The following NRROS variants were observed in gnomAD, a reference collection of about 807,000 sequenced individuals.
The protein encoded by NRROS is negative regulator of reactive oxygen species.
A neutral mutation model predicts 12.0 loss-of-function variants in NRROS; 6 were observed. That is an observed-to-expected ratio of 0.50 (90% confidence interval 0.27 to 0.98). The LOEUF (loss-of-function observed/expected upper bound fraction) is 0.98, where lower values mean the gene tolerates loss of function less well. NRROS is among the 50% of genes least tolerant of loss of function. The pLI is 0.11. For missense variants in NRROS, 857 were observed against 888.2 expected (o/e 0.96, Z 0.45); for synonymous variants, 462 against 410.2 (o/e 1.13, Z -1.53).
chr3:196,653,933 G>A (rs995455829), intron 1 of NRROS, among the ~76,000 whole-genome samples: 6 of 152,034 alleles, frequency 3.9e-5, no homozygotes, highest in Admixed American at 2.0e-4. Flanking sequence ...TTTTCCCTCC[G>A]TGTTTCCCCC....
chr3:196,646,510 C>T (rs1737314651), intron 1 of NRROS, among the ~76,000 whole-genome samples: 1 of 152,200 alleles, frequency 6.6e-6, no homozygotes, highest in Non-Finnish European at 1.5e-5. Context: ...CAGATGGCAG[C>T]CTGTGGGCAT....
At chr3:196,646,279 G>A (rs1577628974) in intron 1 of NRROS, among the ~76,000 whole-genome samples, 1 of 152,222 alleles carries the variant, frequency 6.6e-6, no homozygotes, top group African/African-American at 2.4e-5. Context: ...GCGGTGGCAG[G>A]TAGCCACTCC....
In NRROS at chr3:196,660,672, G is replaced by A. The variant is rs1406224595; in HGVS notation, c.1029G>A (p.Leu343=). 1.9e-6 allele frequency: 3 copies of A among 1,614,182 alleles called. No individual in the cohort carries two copies. Among genetic ancestry groups the A allele is most frequent in the Non-Finnish European group, 8.5e-7 (1 of 1,180,032 alleles). Residue 343 remains leucine, a synonymous_variant, in exon 3 of 3, where the codon CTG becomes CTA. Transcript: ENST00000328557. This position sits in a 1 kb window ranked among gnomAD's most constrained non-coding sequence, Gnocchi z 7.7. ...LDMSQNQFQY[L]PDGFLRKMPS... is the part of the protein sequence containing the mutation. Reference sequence around the variant, plus strand: ...TGAGCCAGAACCAGTTCCAGTACCTGCCAGACGGCTTCCTGAGGAAAATGC... The same window carrying A: ...TGAGCCAGAACCAGTTCCAGTACCTACCAGACGGCTTCCTGAGGAAAATGC...
Position 196,654,421 on chromosome 3 carries a change from G to A in NRROS, c.-13-106G>A. On this transcript the variant is annotated intron_variant, in intron 1 of 2. Transcript: ENST00000328557. This position sits in a 1 kb window ranked among gnomAD's most constrained non-coding sequence, Gnocchi z 4.4. ...CTGCACCTCTATGGAGCTCCACAGA[G>A]CTCCAAGACCACATAGAATTGGAAC... 1.3e-6 allele frequency: 1 copy of A among 752,142 alleles called. No individual in the cohort carries two copies. Among genetic ancestry groups the A allele is most frequent in the Admixed American group, 1.9e-5 (1 of 51,878 alleles). 46.6% of individuals were successfully genotyped at this position (752,142 alleles called of 1,614,324 possible).
At chr3:196,646,984 A>G (rs1423793630) in intron 1 of NRROS, among the ~76,000 whole-genome samples, 2 of 152,172 alleles carry the variant, frequency 1.3e-5, no homozygotes. Context: ...ATATTATTTT[A>G]TTATGAACGT....
At chr3:196,657,221 A>T (rs1737553802) in intron 2 of NRROS, among the ~76,000 whole-genome samples, 1 of 151,628 alleles carries the variant, frequency 6.6e-6, no homozygotes, top group Non-Finnish European at 1.5e-5. Flanking sequence ...AAAAAAAGAA[A>T]AAGAAAGTGG....
chr3:196,658,851 TC>T (rs1469970144), intron 2 of NRROS, among the ~76,000 whole-genome samples: 1 of 152,046 alleles, frequency 6.6e-6, no homozygotes, highest in Non-Finnish European at 1.5e-5. Flanking sequence ...GTGCCTGTAA[TC>T]CCAGCTACTC....
In NRROS at chr3:196,660,717, C is replaced by T. The variant is rs1375842742; in HGVS notation, c.1074C>T (p.Asn358=). ...LRKMPSLSHL[N]LHQNCLMTLH... ...AAATGCCTTCCCTCTCCCACCTGAA[C>T]CTCCACCAGAATTGCCTGATGACGC... Residue 358 remains asparagine, a synonymous_variant, in exon 3 of 3, where the codon AAC becomes AAT. Coordinates refer to ENST00000328557, the MANE Select transcript of NRROS (RefSeq NM_198565.3). The surrounding 1 kb of genome is among the most constrained non-coding windows in gnomAD (Gnocchi z 7.7). The T allele has an allele frequency of 3.1e-6, 5 of 1,614,170 alleles. No homozygotes were observed. Among genetic ancestry groups the T allele is most frequent in the Admixed American group, 3.3e-5 (2 of 60,032 alleles).
At position 196,657,175 on chromosome 3, in the gene NRROS, G is replaced by T. The variant is rs1014415087; in HGVS notation, c.108+2528G>T. Among the ~76,000 whole-genome samples the T allele has an allele frequency of 1.7e-4, 25 of 151,298 alleles. 2 individuals carry two copies. Among genetic ancestry groups the T allele is most frequent in the African/African-American group, 6.1e-4 (25 of 41,198 alleles). On this transcript the variant is annotated intron_variant, in intron 2 of 2. Coordinates refer to ENST00000328557, the MANE Select transcript of NRROS (RefSeq NM_198565.3). ...GCTGAGATCGCGCCACTGCACTCCAGCCTGGGCGACAGAGCAAGACTCCGT... is the reference window on the plus strand; with the variant it reads ...GCTGAGATCGCGCCACTGCACTCCATCCTGGGCGACAGAGCAAGACTCCGT...
intron 2 of NRROS, among the ~76,000 whole-genome samples, chr3:196,657,201 A>G (rs1223003818): frequency 1.3e-5 from 2 of 148,938 alleles, no homozygotes; most frequent in African/African-American, 4.9e-5. Context: ...AAGACTCCGT[A>G]TCAAAAAAAA....
Position 196,660,344 on chromosome 3 carries a change from G to C in NRROS, c.701G>C (p.Ser234Thr). The C allele has an allele frequency of 6.2e-7, 1 of 1,614,064 alleles. No homozygotes were observed. The highest frequency in any genetic ancestry group is 8.5e-7 in the Non-Finnish European group (1 of 1,180,016). Residue 234 changes from serine (S) to threonine (T), a missense_variant, in exon 3 of 3, where the codon AGC becomes ACC. Ser to Thr is a moderately conservative substitution (Grantham distance 58). Coordinates refer to ENST00000328557, the MANE Select transcript of NRROS (RefSeq NM_198565.3). The surrounding 1 kb of genome is among the most constrained non-coding windows in gnomAD (Gnocchi z 7.7). ...GLTRLRVLNVSYNVLEWFLAT... is the reference protein window; with the variant it reads ...GLTRLRVLNVTYNVLEWFLAT... ...ACGCGGCTGCGGGTCCTCAACGTCA[G>C]CTACAACGTCCTGGAGTGGTTCCTC...
intron 1 of NRROS, among the ~76,000 whole-genome samples, chr3:196,640,599 C>G (rs1011872268): frequency 2.6e-5 from 4 of 152,338 alleles, no homozygotes; most frequent in East Asian, 1.9e-4. Context: ...AAGACTCGGA[C>G]GCTCTTCCGT....
Position 196,661,677 on chromosome 3 carries a change from G to A in NRROS, c.2034G>A (p.Leu678=), listed in dbSNP as rs1737689837. The part of the protein sequence containing the change: ...TVIVLTFKKP[L]LQVIKSRCHW... Reference sequence around the variant, plus strand: ...TCGTCCTCACTTTTAAGAAGCCTCTGCTTCAGGTCATCAAGAGCCGCTGCC... The same window carrying A: ...TCGTCCTCACTTTTAAGAAGCCTCTACTTCAGGTCATCAAGAGCCGCTGCC... The change falls in exon 3 of 3, where the codon CTG becomes CTA. Residue 678 remains leucine, a synonymous_variant. Coordinates refer to ENST00000328557, the MANE Select transcript of NRROS (RefSeq NM_198565.3). The A allele has an allele frequency of 2.5e-6, 4 of 1,602,704 alleles. No individual in the cohort carries two copies. The highest frequency in any genetic ancestry group is 3.4e-6 in the Non-Finnish European group (4 of 1,179,116).
At chr3:196,655,197 T>C (rs1358323494) in intron 2 of NRROS, among the ~76,000 whole-genome samples, 1 of 145,782 alleles carries the variant, frequency 6.9e-6, no homozygotes, top group Non-Finnish European at 1.5e-5. Context: ...ATCATGCCCC[T>C]GCACTCCAAC....
At chr3:196,643,707 C>CCTAAGCT (rs1395467672) in intron 1 of NRROS, among the ~76,000 whole-genome samples, 1 of 152,240 alleles carries the variant, frequency 6.6e-6, no homozygotes, top group Non-Finnish European at 1.5e-5. Context: ...TCATGTCACT[C>CCTAAGCT]CATTTCAGAT....
At chr3:196,651,773 C>T (rs1305900843) in intron 1 of NRROS, among the ~76,000 whole-genome samples, 1 of 152,024 alleles carries the variant, frequency 6.6e-6, no homozygotes, top group Admixed American at 6.6e-5. Context: ...TCTCAAAAAA[C>T]AAAACAAAAC....
intron 1 of NRROS, among the ~76,000 whole-genome samples, chr3:196,645,508 A>T (rs1425122409): frequency 6.6e-6 from 1 of 152,126 alleles, no homozygotes; most frequent in Non-Finnish European, 1.5e-5. Context: ...ATTATATGTA[A>T]AGTACCCGGT....
At position 196,660,733 on chromosome 3, in the gene NRROS, C is replaced by G. The variant is rs1167273498; in HGVS notation, c.1090C>G (p.Leu364Val). The G allele has an allele frequency of 1.2e-6, 2 of 1,614,032 alleles. No individual in the cohort carries two copies. The highest frequency in any genetic ancestry group is 1.7e-6 in the Non-Finnish European group (2 of 1,180,052). ...CCACCTGAACCTCCACCAGAATTGC[C>G]TGATGACGCTTCACATTCGGGAGCA... ...LSHLNLHQNC[L>V]MTLHIREHEP... Residue 364 changes from leucine to valine, a missense_variant, in exon 3 of 3, where the codon CTG becomes GTG. Physicochemically the swap from Leu to Val is conservative, Grantham distance 32. Transcript: ENST00000328557. The surrounding 1 kb of genome is among the most constrained non-coding windows in gnomAD (Gnocchi z 7.7).
In NRROS at chr3:196,661,447, G is replaced by A. The variant is rs1350272420; in HGVS notation, c.1804G>A (p.Asp602Asn). The A allele has an allele frequency of 1.3e-6, 2 of 1,593,044 alleles. No homozygotes were observed. The highest frequency in any genetic ancestry group is 2.2e-5 in the East Asian group (1 of 44,604). ...GAATCCATATGACTGCTGTGGGGTG[G>A]ATGGCTGGGGGGCCCTGCAGCATGG... The part of the protein sequence containing the change: ...SQNPYDCCGV[D>N]GWGALQHGQT... The change falls in exon 3 of 3, where the codon GAT (aspartate) becomes AAT (asparagine). Residue 602 changes from aspartate to asparagine, a missense_variant. Physicochemically the swap from Asp to Asn is conservative, Grantham distance 23. Coordinates refer to ENST00000328557, the MANE Select transcript of NRROS (RefSeq NM_198565.3).
Sources: allele counts gnomAD v4.1 joint callset (sites outside exome capture counted in the v4.1 genomes callset), GRCh38; gene constraint gnomAD v4.1.1; non-coding constraint Gnocchi (gnomAD v3.1); transcripts MANE v1.5; gene names NCBI Gene and HGNC (gene_info 2026-07-23, HGNC 2026-07-21).